Variants in C1orf87 observed in about 807,000 individuals in gnomAD.
The protein encoded by C1orf87 is uncharacterized protein C1orf87.
A neutral mutation model predicts 60.5 loss-of-function variants in C1orf87; 58 were observed. The observed-to-expected ratio is 0.96, with a 90% CI of 0.78 to 1.19. The LOEUF (loss-of-function observed/expected upper bound fraction) is 1.19, where lower values mean the gene tolerates loss of function less well. Among genes scored for constraint, C1orf87 ranks in the 50% most tolerant of loss-of-function variants. The pLI is 0.00. For missense variants in C1orf87, 673 were observed against 638.6 expected (o/e 1.05, Z -0.58); for synonymous variants, 236 against 227.4 (o/e 1.04, Z -0.34).
At chr1:60,028,825 T>C (rs1385511255) in intron 7 of C1orf87, among the ~76,000 whole-genome samples, 1 of 152,004 alleles carries the variant, frequency 6.6e-6, no homozygotes, top group African/African-American at 2.4e-5. Context: ...TTCTCCAAAC[T>C]CTCTTTGTTT....
At chr1:60,052,272 A>T (rs1266304258) in intron 3 of C1orf87, among the ~76,000 whole-genome samples, 2 of 152,248 alleles carry the variant, frequency 1.3e-5, no homozygotes, top group Admixed American at 6.5e-5. Context: ...CTAGTCACAC[A>T]TTCTTTTTTA....
At chr1:60,069,566 T>C (rs1380744059) in intron 2 of C1orf87, among the ~76,000 whole-genome samples, 2 of 152,212 alleles carry the variant, frequency 1.3e-5, no homozygotes, top group Non-Finnish European at 2.9e-5. Flanking sequence ...GTGAAATATA[T>C]GTATACTAAA....
chr1:60,022,275 T>C (rs750345341), intron 8 of C1orf87, among the ~76,000 whole-genome samples: 3 of 152,002 alleles, frequency 2.0e-5, no homozygotes, highest in Non-Finnish European at 2.9e-5. Flanking sequence ...TAGGAGGTTA[T>C]TACAGAAATC....
chr1:60,004,323 G>A (rs1305819786), intron 9 of C1orf87, among the ~76,000 whole-genome samples: 1 of 151,976 alleles, frequency 6.6e-6, no homozygotes, highest in Non-Finnish European at 1.5e-5. Context: ...CTAACACAGG[G>A]AAGATGCTCA....
intron 7 of C1orf87, among the ~76,000 whole-genome samples, chr1:60,031,981 AACACACACAC>A (rs56139918): frequency 1.3e-5 from 2 of 149,274 alleles, no homozygotes; most frequent in Non-Finnish European, 3.0e-5. Context: ...ATAATATTCA[AACACACACAC>A]ACACACACAC....
intron 10 of C1orf87, 60 bp from the exon 11 acceptor site, chr1:59,997,876 T>C (rs997128984): frequency 3.3e-6 from 5 of 1,517,686 alleles, no homozygotes; most frequent in Admixed American, 1.8e-5. Flanking sequence ...TCCAATCTCT[T>C]GGCCAAAGAT....
At chr1:60,030,095 G>A (rs112722855) in intron 7 of C1orf87, among the ~76,000 whole-genome samples, 9 of 152,274 alleles carry the variant, frequency 5.9e-5, no homozygotes, top group African/African-American at 1.2e-4. Flanking sequence ...TTGTGATGAC[G>A]TATTTAAAAC....
At chr1:60,031,076 C>A (rs1472795667) in intron 7 of C1orf87, among the ~76,000 whole-genome samples, 1 of 152,018 alleles carries the variant, frequency 6.6e-6, no homozygotes, top group African/African-American at 2.4e-5. Context: ...GTCTGTGATT[C>A]TCTCTTCTGC....
At chr1:60,047,258 C>T (rs1172845027) in intron 3 of C1orf87, among the ~76,000 whole-genome samples, 1 of 152,052 alleles carries the variant, frequency 6.6e-6, no homozygotes, top group Admixed American at 6.6e-5. Flanking sequence ...AGTTTGTTCC[C>T]TAGCATTCTT....
At chr1:60,042,420 A>G (rs1263069359) in intron 3 of C1orf87, among the ~76,000 whole-genome samples, 1 of 152,176 alleles carries the variant, frequency 6.6e-6, no homozygotes, top group African/African-American at 2.4e-5. Flanking sequence ...AGGATTCTCT[A>G]TAAACTACTA....
intron 8 of C1orf87, chr1:60,010,906 A>ATAAC (rs200638194): frequency 0.06 from 8,667 of 144,078 alleles, 291 homozygotes; most frequent in Admixed American, 0.09. Flanking sequence ...AAATAAATAA[A>ATAAC]TAAATAAAAA....
At chr1:60,049,623 C>T (rs1180814701) in intron 3 of C1orf87, among the ~76,000 whole-genome samples, 1 of 152,022 alleles carries the variant, frequency 6.6e-6, no homozygotes, top group East Asian at 1.9e-4. Context: ...TATCATTTTC[C>T]TCATTGTATC....
intron 3 of C1orf87, 123 bp from the exon 4 acceptor site, chr1:60,041,254 G>T: frequency 2.3e-6 from 2 of 870,212 alleles, no homozygotes; most frequent in Non-Finnish European, 3.3e-6. Flanking sequence ...AGTTCTAAAT[G>T]AACTTTAGCC....
intron 7 of C1orf87, among the ~76,000 whole-genome samples, chr1:60,029,057 C>T (rs1046610910): frequency 2.0e-5 from 3 of 152,164 alleles, no homozygotes; most frequent in East Asian, 1.9e-4. Flanking sequence ...CCCAGATCAA[C>T]GTGTTCAAAA....
chr1:60,034,186 G>A (rs1645259072), intron 6 of C1orf87, among the ~76,000 whole-genome samples: 1 of 152,118 alleles, frequency 6.6e-6, no homozygotes, highest in South Asian at 2.1e-4. Context: ...ACCCAGAAAT[G>A]TTTGGGAGTA....
chr1:60,061,426 T>C (rs1348447916), intron 2 of C1orf87, among the ~76,000 whole-genome samples: 1 of 152,116 alleles, frequency 6.6e-6, no homozygotes, highest in African/African-American at 2.4e-5. Flanking sequence ...AGGCCAATAC[T>C]TCTATCTCTA....
intron 9 of C1orf87, among the ~76,000 whole-genome samples, chr1:60,003,127 A>G (rs1645018874): frequency 6.7e-6 from 1 of 148,446 alleles, no homozygotes; most frequent in Non-Finnish European, 1.5e-5. Context: ...TACACCATGG[A>G]ATACTATGCA....
intron 3 of C1orf87, among the ~76,000 whole-genome samples, chr1:60,049,909 A>G (rs1412096018): frequency 6.6e-6 from 1 of 152,108 alleles, no homozygotes; most frequent in Non-Finnish European, 1.5e-5. Flanking sequence ...TATACAAAAT[A>G]ACAATATGCC....
At chr1:60,000,625 C>T (rs1412034324) in intron 10 of C1orf87, among the ~76,000 whole-genome samples, 1 of 151,824 alleles carries the variant, frequency 6.6e-6, no homozygotes, top group Admixed American at 6.6e-5. Context: ...TTTTTTCTTT[C>T]TTTCTTCTTT....
Sources: allele counts gnomAD v4.1 joint callset (sites outside exome capture counted in the v4.1 genomes callset), GRCh38; gene constraint gnomAD v4.1.1; transcripts MANE v1.5; gene names NCBI Gene and HGNC (gene_info 2026-07-23, HGNC 2026-07-21).